The following TENM3 variants were observed in gnomAD, a reference collection of about 807,000 sequenced individuals.
TENM3 encodes the protein teneurin-3.
In TENM3, 63 loss-of-function variants were observed where a neutral mutation model predicts 255.1. That is an observed-to-expected ratio of 0.25 (90% CI 0.20 to 0.30). TENM3 has a LOEUF of 0.30. Among genes scored for constraint, TENM3 ranks in the 10% least tolerant of loss-of-function variants. The probability of loss-of-function intolerance (pLI) is 1.00; values close to 1 mark genes in which losing one functional copy is unlikely to be tolerated. For missense variants in TENM3, 2,929 were observed against 3,461.1 expected (o/e 0.85, Z 3.86); for synonymous variants, 1,306 against 1,322.3 (o/e 0.99, Z 0.27).
chr4:181,840,433 G>C, the TENM3 span, among the ~76,000 whole-genome samples: 9 of 152,128 alleles, frequency 5.9e-5, 1 homozygote, highest in South Asian at 1.2e-3. Flanking sequence ...GATTTCTCAG[G>C]AGTGAGTGTA....
the TENM3 span, among the ~76,000 whole-genome samples, chr4:181,455,345 G>C: frequency 6.6e-6 from 1 of 152,154 alleles, no homozygotes; most frequent in African/African-American, 2.4e-5. Context: ...GTCTTCAAAA[G>C]AATATTTCTA....
the TENM3 span, among the ~76,000 whole-genome samples, chr4:182,050,278 C>T: frequency 6.6e-6 from 1 of 151,918 alleles, no homozygotes; most frequent in African/African-American, 2.4e-5. Context: ...CAGGCGTGAG[C>T]CACCACACCT....
chr4:181,816,431 G>C, the TENM3 span, among the ~76,000 whole-genome samples: 2 of 152,092 alleles, frequency 1.3e-5, no homozygotes, highest in Non-Finnish European at 2.9e-5. Context: ...ATTTACTTAG[G>C]CTCCCTGAGC....
At chr4:182,623,807 T>C (rs1270258408) in intron 4 of TENM3, among the ~76,000 whole-genome samples, 3 of 152,144 alleles carry the variant, frequency 2.0e-5, no homozygotes, top group Non-Finnish European at 4.4e-5. Context: ...CCTCCTGATA[T>C]TGCGGGGGTC....
the TENM3 span, among the ~76,000 whole-genome samples, chr4:181,459,894 T>C: frequency 3.3e-5 from 5 of 152,030 alleles, no homozygotes; most frequent in South Asian, 1.0e-3. Context: ...TATAAATCAA[T>C]CTGGGAAAAT....
chr4:182,246,971 A>T (rs1393543883), intron 1 of TENM3, among the ~76,000 whole-genome samples: 1 of 152,194 alleles, frequency 6.6e-6, no homozygotes, highest in Non-Finnish European at 1.5e-5. Context: ...CTCTCTGCGG[A>T]GGCGATGCCC....
the TENM3 span, among the ~76,000 whole-genome samples, chr4:182,107,380 A>G: frequency 6.6e-6 from 1 of 152,146 alleles, no homozygotes; most frequent in Non-Finnish European, 1.5e-5. Flanking sequence ...CGGGTGTCAC[A>G]TGACTGCTGG....
At chr4:181,916,238 G>A in the TENM3 span, among the ~76,000 whole-genome samples, 21 of 152,256 alleles carry the variant, frequency 1.4e-4, no homozygotes, top group African/African-American at 5.1e-4. Flanking sequence ...GGCTAGATTA[G>A]TGCCTCTAGT....
chr4:182,018,568 A>G, the TENM3 span, among the ~76,000 whole-genome samples: 6 of 152,188 alleles, frequency 3.9e-5, no homozygotes, highest in Non-Finnish European at 8.8e-5. Flanking sequence ...TGACCTTTGT[A>G]TAATGAGAAT....
chr4:182,255,271 C>T (rs12505728), intron 1 of TENM3, among the ~76,000 whole-genome samples: 27,884 of 151,934 alleles, frequency 0.18, 3,197 homozygotes, highest in South Asian at 0.35. Context: ...GTTCTGTAAG[C>T]GCATCATGAT....
At chr4:181,635,169 G>A in the TENM3 span, among the ~76,000 whole-genome samples, 1,702 of 152,112 alleles carry the variant, frequency 0.011, 31 homozygotes, top group African/African-American at 0.039. Context: ...GGAGGCATGC[G>A]GGCATAGCAA....
chr4:181,591,427 TGTTCATA>T, the TENM3 span, among the ~76,000 whole-genome samples: 4 of 152,342 alleles, frequency 2.6e-5, no homozygotes, highest in Non-Finnish European at 5.9e-5. Context: ...TGTACGTGAA[TGTTCATA>T]GCAGTTTTTT....
chr4:182,092,353 C>G, the TENM3 span, among the ~76,000 whole-genome samples: 1 of 151,342 alleles, frequency 6.6e-6, no homozygotes, highest in African/African-American at 2.4e-5. Flanking sequence ...AATAAACAAA[C>G]AAACAAACTA....
intron 3 of TENM3, among the ~76,000 whole-genome samples, chr4:182,450,634 A>C (rs10019971): frequency 0.24 from 36,658 of 152,108 alleles, 4,839 homozygotes; most frequent in East Asian, 0.38. Context: ...AACTCACAAA[A>C]ATATGAATGC....
At chr4:181,944,527 G>A in the TENM3 span, among the ~76,000 whole-genome samples, 1 of 152,160 alleles carries the variant, frequency 6.6e-6, no homozygotes, top group Non-Finnish European at 1.5e-5. Flanking sequence ...TTTCACCAGA[G>A]ATCTGGGTAT....
the TENM3 span, among the ~76,000 whole-genome samples, chr4:181,552,453 T>C: frequency 2.0e-5 from 3 of 152,336 alleles, no homozygotes; most frequent in South Asian, 2.1e-4. Flanking sequence ...GATTTGCTCA[T>C]GAATGCAAAG....
chr4:182,446,680 G>C (rs992397232), intron 3 of TENM3, among the ~76,000 whole-genome samples: 2 of 150,280 alleles, frequency 1.3e-5, no homozygotes, highest in African/African-American at 4.9e-5. Context: ...GGTTGGTCTT[G>C]AACTCCTGGG....
intron 3 of TENM3, among the ~76,000 whole-genome samples, chr4:182,388,747 A>G (rs1285273551): frequency 6.6e-6 from 1 of 152,218 alleles, no homozygotes; most frequent in African/African-American, 2.4e-5. Flanking sequence ...TTTAGATCAT[A>G]AAGGAAATTG....
chr4:182,114,680 A>C, the TENM3 span, among the ~76,000 whole-genome samples: 1 of 152,148 alleles, frequency 6.6e-6, no homozygotes, highest in African/African-American at 2.4e-5. Context: ...TCTTTAGTTG[A>C]GTTAGAGCCA....
Sources: gnomAD v4.1 joint callset for allele counts (sites outside exome capture counted in the v4.1 genomes callset) on GRCh38, gnomAD v4.1.1 for gene constraint, MANE v1.5 for transcripts, NCBI Gene and HGNC (gene_info 2026-07-23, HGNC 2026-07-21) for gene names.